The following PATJ variants were observed in gnomAD, a reference collection of about 807,000 sequenced individuals.
The protein encoded by PATJ is inaD-like protein.
Under a neutral mutation model 224.9 loss-of-function variants are expected in PATJ, and 190 were observed. That is an observed-to-expected ratio of 0.84 (90% CI 0.75 to 0.95). PATJ has a LOEUF of 0.95. PATJ is among the 40% of genes least tolerant of loss of function. PATJ has a pLI of 0.00. For synonymous variants in PATJ, 769 were observed against 820.3 expected (o/e 0.94, Z 1.07); for missense variants, 2,121 against 2,270.3 (o/e 0.93, Z 1.34).
chr1:61,977,816 C>G lies in PATJ; in HGVS notation c.3671-12352C>G, dbSNP rs890988980. Among the ~76,000 whole-genome samples, 4 of 150,568 alleles carry G rather than the reference C, an allele frequency of 2.7e-5. 1 individual carries two copies. The highest frequency in any genetic ancestry group is 9.8e-5 in the African/African-American group (4 of 40,664). On this transcript the variant is annotated intron_variant, in intron 27 of 43. Transcript: ENST00000642238. ...GATCCCTGCGGCCAGGAGTTTGAGG[C>G]TTAGTACACTATGATGGGGCCTCTG...
intron 15 of PATJ, among the ~76,000 whole-genome samples, chr1:61,824,367 CTT>C (rs35999250): frequency 1.7e-4 from 23 of 135,014 alleles, no homozygotes; most frequent in East Asian, 2.2e-4. Context: ...ACCCGGTCCA[CTT>C]TTTTTTTTTT....
At chr1:61,894,111 G>A (rs569032635) in intron 22 of PATJ, among the ~76,000 whole-genome samples, 14 of 151,680 alleles carry the variant, frequency 9.2e-5, no homozygotes, top group African/African-American at 3.1e-4. Flanking sequence ...AAAATTAGCC[G>A]GGCTTGGTGG....
At chr1:62,157,761 G>C (rs1211746732) in intron 43 of PATJ, among the ~76,000 whole-genome samples, 2 of 144,112 alleles carry the variant, frequency 1.4e-5, no homozygotes, top group Admixed American at 7.6e-5. Flanking sequence ...AACCTGGAAG[G>C]CGGAGGTTGC....
rs189663842 is a variant in PATJ, at chr1:61,947,958, T to C, written c.3670+20129T>C. On this transcript the variant is annotated intron_variant, in intron 27 of 43. Transcript: ENST00000642238. ...TGACAAACCTGACAAAAACATGAAA[T>C]GGGGAAAGGATTCCCTATTTAATAA... 1.5e-3 allele frequency among the ~76,000 whole-genome samples: 229 copies of C among 152,184 alleles called. 1 individual carries two copies. Among genetic ancestry groups the C allele is most frequent in the African/African-American group, 5.4e-3 (226 of 41,508 alleles).
intron 1 of PATJ, among the ~76,000 whole-genome samples, chr1:61,744,570 G>A (rs1346519595): frequency 6.6e-6 from 1 of 152,106 alleles, no homozygotes; most frequent in Non-Finnish European, 1.5e-5. Flanking sequence ...GAGTTCTGAA[G>A]AGATTTGCCC....
chr1:61,959,425 ATT>A (rs377016305), intron 27 of PATJ, among the ~76,000 whole-genome samples: 10 of 61,152 alleles, frequency 1.6e-4, no homozygotes, highest in Non-Finnish European at 2.5e-4. Context: ...TATATAATAT[ATT>A]TTTTTTCTTT....
intron 29 of PATJ, among the ~76,000 whole-genome samples, chr1:62,030,390 G>A (rs987326367): frequency 5.9e-5 from 9 of 152,142 alleles, no homozygotes; most frequent in African/African-American, 2.2e-4. Context: ...AGGGTTTTAA[G>A]TTGTTTTGTA....
chr1:61,884,461 T>C (rs1668541656), intron 22 of PATJ, 53 bp downstream of exon 22: 1 of 1,206,256 alleles, frequency 8.3e-7, no homozygotes, highest in Non-Finnish European at 1.1e-6. Context: ...GTTTTTTTTT[T>C]TTTTTTTTTT....
At chr1:61,892,109 C>T (rs1036696397) in intron 22 of PATJ, among the ~76,000 whole-genome samples, 2 of 152,166 alleles carry the variant, frequency 1.3e-5, no homozygotes, top group African/African-American at 4.8e-5. Context: ...AAAATCATGG[C>T]AGAACATCTG....
At chr1:62,069,542 G>T (rs1325002044) in intron 31 of PATJ, among the ~76,000 whole-genome samples, 2 of 152,052 alleles carry the variant, frequency 1.3e-5, no homozygotes. Flanking sequence ...ATGTTTAAGA[G>T]TAATCAATAT....
chr1:62,040,054 A>C (rs1316418429), intron 30 of PATJ, among the ~76,000 whole-genome samples: 2 of 150,960 alleles, frequency 1.3e-5, no homozygotes, highest in Non-Finnish European at 2.9e-5. Flanking sequence ...CTCTCTAGGG[A>C]GCATCTGGTG....
intron 17 of PATJ, among the ~76,000 whole-genome samples, chr1:61,855,175 G>A (rs1270545441): frequency 6.6e-6 from 1 of 151,948 alleles, no homozygotes; most frequent in South Asian, 2.1e-4. Context: ...GCTTACTTAC[G>A]GCTCTAGAGG....
rs748087532 is a variant in PATJ at position 61,927,798 on chromosome 1, T to A, written c.3639T>A (p.Asp1213Glu). The change falls in exon 27 of 44, where the codon GAT becomes GAA. Residue 1213 changes from aspartate to glutamate, a missense_variant. Coordinates refer to ENST00000642238, the MANE Select transcript of PATJ (RefSeq NM_001350145.3). ...PPYKALTDDS[D>E]ENEEEDAFTD... The stretch of plus-strand genomic sequence containing the variant: ...ATAAAGCTCTGACTGATGACAGTGA[T>A]GAAAATGAAGAAGAAGATGCCTTTA... 1.9e-6 allele frequency: 3 copies of A among 1,613,522 alleles called. No individual in the cohort carries two copies. Among genetic ancestry groups the A allele is most frequent in the Middle Eastern group, 1.6e-4 (1 of 6,062 alleles).
At chr1:62,069,763 G>A (rs909324436) in intron 31 of PATJ, among the ~76,000 whole-genome samples, 4 of 152,148 alleles carry the variant, frequency 2.6e-5, no homozygotes, top group African/African-American at 9.7e-5. Context: ...CTGTAAATGT[G>A]CTCAGGGCAA....
intron 27 of PATJ, among the ~76,000 whole-genome samples, chr1:61,943,148 A>G (rs1450575739): frequency 1.3e-5 from 2 of 152,202 alleles, no homozygotes; most frequent in Non-Finnish European, 2.9e-5. Flanking sequence ...AGATTCCAAG[A>G]TGGCCGAATA....
intron 29 of PATJ, among the ~76,000 whole-genome samples, chr1:62,033,864 A>G (rs1381230756): frequency 6.6e-6 from 1 of 152,132 alleles, no homozygotes; most frequent in Non-Finnish European, 1.5e-5. Flanking sequence ...GTACCACACT[A>G]CAAGCTGGAG....
intron 39 of PATJ, among the ~76,000 whole-genome samples, chr1:62,125,236 C>CAAAAAAAAAAAAAAAAAAAAAAAAAAA (rs761278812): frequency 7.2e-5 from 2 of 27,746 alleles, no homozygotes; most frequent in African/African-American, 1.3e-4. Context: ...AACCCTGTCT[C>CAAAAAAAAAAAAAAAAAAAAAAAAAAA]AAAAAAAAAA....
intron 21 of PATJ, among the ~76,000 whole-genome samples, chr1:61,877,795 T>A (rs1458768166): frequency 6.6e-6 from 1 of 152,180 alleles, no homozygotes; most frequent in African/African-American, 2.4e-5. Flanking sequence ...AGTGGATTAA[T>A]ACAACTTAAA....
intron 12 of PATJ, among the ~76,000 whole-genome samples, chr1:61,804,473 T>C (rs1300746100): frequency 2.6e-5 from 4 of 152,192 alleles, no homozygotes; most frequent in Admixed American, 2.0e-4. Flanking sequence ...CTGTCCATGC[T>C]GAAGACTGAA....
Sources: gnomAD v4.1 joint callset for allele counts (sites outside exome capture counted in the v4.1 genomes callset) on GRCh38, gnomAD v4.1.1 for gene constraint, MANE v1.5 for transcripts, NCBI Gene and HGNC (gene_info 2026-07-23, HGNC 2026-07-21) for gene names.